The following ZNF211 variants were observed in gnomAD, a reference collection of about 807,000 sequenced individuals.
ZNF211 encodes the protein zinc finger protein C2H2-25.
In ZNF211, 18 loss-of-function variants were observed where a neutral mutation model predicts 12.1. That is an observed-to-expected ratio of 1.48 (90% CI 1.03 to 2.20). ZNF211 has a LOEUF of 2.20. Ranked by LOEUF, ZNF211 falls within the 30% of genes most tolerant of loss-of-function variation. The pLI, the probability that ZNF211 is intolerant of heterozygous loss-of-function variation, is 0.00. For synonymous variants in ZNF211, 249 were observed against 246.0 expected (o/e 1.01, Z -0.11); for missense variants, 677 against 703.1 (o/e 0.96, Z 0.42).
chr19:57,635,091 T>G (rs1267829675), intron 3 of ZNF211, among the ~76,000 whole-genome samples: 1 of 152,198 alleles, frequency 6.6e-6, no homozygotes, highest in Non-Finnish European at 1.5e-5. Context: ...TGACATGAAA[T>G]GTAGTCACTG....
intron 3 of ZNF211, 35 bp from the exon 4 acceptor site, chr19:57,640,669 T>G: frequency 1.9e-6 from 3 of 1,599,922 alleles, no homozygotes; most frequent in Non-Finnish European, 2.6e-6. Context: ...CTAATAAAGG[T>G]AACATGTACT....
rs1339481787 is a variant in ZNF211, at chr19:57,640,580, A to G, written c.257-124A>G. 7 of 1,262,674 alleles carry G rather than the reference A, an allele frequency of 5.5e-6. No homozygotes were observed. In the East Asian group the frequency reaches 1.8e-4, roughly 32 times the overall value. 78.2% of individuals were successfully genotyped at this position (1,262,674 alleles called of 1,614,324 possible). A position where few individuals can be genotyped will look rare whatever the true frequency, so the allele number is the denominator to read the frequency against. ...GCTGCTTCCTCAACCTGACCCCCCA[A>G]CTCACTTTTCCTAAAAACAGGCCCA... On this transcript the variant is annotated intron_variant, in intron 3 of 3. Transcript: ENST00000240731.
rs76466117 is a variant in ZNF211, at chr19:57,637,226, T to G, written c.256+2471T>G. Among the ~76,000 whole-genome samples, 355 of 152,262 alleles carry G rather than the reference T, an allele frequency of 2.3e-3. 2 individuals carry two copies. Among genetic ancestry groups the G allele is most frequent in the African/African-American group, 7.7e-3 (321 of 41,558 alleles). ...AACAGAAGTGCTAAAAGTAGCATCC[T>G]TATCTTGTCCTTAATCTTAGAGGAA... is the stretch of plus-strand genomic sequence containing the variant. On this transcript the variant is annotated intron_variant, in intron 3 of 3. Transcript: ENST00000240731.
Position 57,640,857 on chromosome 19 carries a change from A to G in ZNF211, c.410A>G (p.His137Arg), listed in dbSNP as rs1314143386. ...ICCLVLRDIL[H>R]LAEHQGTNCG... The stretch of plus-strand genomic sequence containing the variant: ...TGCCTGGTCTTGAGAGATATTTTGC[A>G]CTTGGCTGAACACCAAGGAACAAAC... The change falls in exon 4 of 4, where the codon CAC becomes CGC. Residue 137 changes from histidine (H) to arginine (R), a missense_variant. Transcript: ENST00000240731. 2 of 1,614,230 alleles carry G rather than the reference A, an allele frequency of 1.2e-6. No homozygotes were observed. Among genetic ancestry groups the G allele is most frequent in the Non-Finnish European group, 1.7e-6 (2 of 1,180,044 alleles).
chr19:57,640,098 C>A, intron 3 of ZNF211: 1 of 1,527,780 alleles, frequency 6.5e-7, no homozygotes. Context: ...AGGAACCTGT[C>A]CTGTTTGACT....
chr19:57,634,507 T>C, intron 2 of ZNF211, 122 bp from the exon 3 acceptor site: 4 of 1,199,182 alleles, frequency 3.3e-6, no homozygotes, highest in Non-Finnish European at 4.5e-6. Flanking sequence ...CAGGGATCAA[T>C]GACACCAAGG....
chr19:57,640,139 C>T (rs1337579275), intron 3 of ZNF211: 2 of 1,448,416 alleles, frequency 1.4e-6, no homozygotes, highest in Non-Finnish European at 1.8e-6. Context: ...AGACACTTCA[C>T]TTCGACCTTC....
At chr19:57,634,547 G>C (rs999585861) in intron 2 of ZNF211, 82 bp from the exon 3 acceptor site, 6 of 1,429,658 alleles carry the variant, frequency 4.2e-6, no homozygotes, top group Non-Finnish European at 4.6e-6. Flanking sequence ...TGGGGATCTT[G>C]GGAGGAGAAT....
Position 57,634,628 on chromosome 19 carries a change from G to A in ZNF211, c.130-1G>A, listed in dbSNP as rs753818413. On this transcript the variant is annotated splice_acceptor_variant, in intron 2 of 3. Transcript: ENST00000240731. LOFTEE classifies it high-confidence loss of function. ...GGTTTCATCAATCCCTATTATGCTAGGGAAGTGTGACCTTTGAAGATGTGG... is the reference window on the plus strand; with the variant it reads ...GGTTTCATCAATCCCTATTATGCTAAGGAAGTGTGACCTTTGAAGATGTGG... 1.3e-6 allele frequency: 2 copies of A among 1,580,510 alleles called. No homozygotes were observed. Among genetic ancestry groups the A allele is most frequent in the South Asian group, 2.3e-5 (2 of 86,914 alleles).
In ZNF211 at chr19:57,640,848, A is replaced by G; in HGVS notation, c.401A>G (p.Asp134Gly). Residue 134 changes from aspartate (D) to glycine (G), a missense_variant, in exon 4 of 4, where the codon GAT becomes GGT. Asp to Gly is a moderately conservative substitution (Grantham distance 94). Coordinates refer to ENST00000240731, the MANE Select transcript of ZNF211 (RefSeq NM_006385.5). ...GAAATATGTTGCCTGGTCTTGAGAG[A>G]TATTTTGCACTTGGCTGAACACCAA... ...SCEICCLVLR[D>G]ILHLAEHQGT... 1 of 1,614,226 alleles carries G rather than the reference A, an allele frequency of 6.2e-7. No individual in the cohort carries two copies. The highest frequency in any genetic ancestry group is 8.5e-7 in the Non-Finnish European group (1 of 1,180,042).
chr19:57,635,878 A>C (rs1399800773), intron 3 of ZNF211, among the ~76,000 whole-genome samples: 1 of 152,152 alleles, frequency 6.6e-6, no homozygotes, highest in Non-Finnish European at 1.5e-5. Flanking sequence ...CAGTTTCTTC[A>C]CACCCTCACC....
chr19:57,642,491 C>G lies in ZNF211; in HGVS notation c.*310C>G, dbSNP rs191964786. 4.5e-5 allele frequency: 12 copies of G among 263,866 alleles called. No homozygotes were observed. In the East Asian group the frequency reaches 7.9e-4, roughly 17 times the overall value. The allele number at this position is 263,866 out of a possible 1,614,324, so 16.3% of individuals were successfully genotyped here. A position where few individuals can be genotyped will look rare whatever the true frequency, so the allele number is the denominator to read the frequency against. Reference sequence around the variant, plus strand: ...TACCTCCTGAACCTGCTCAAGGAAGCAGACCTCTGCTTCTCCCCATTTGCT... The same window carrying G: ...TACCTCCTGAACCTGCTCAAGGAAGGAGACCTCTGCTTCTCCCCATTTGCT... On this transcript the variant is annotated 3_prime_UTR_variant, in exon 4 of 4. Transcript: ENST00000240731.
At position 57,633,249 on chromosome 19, in the gene ZNF211, A is replaced by T. The variant is rs773420264; in HGVS notation, c.-98A>T. 4 of 1,203,626 alleles carry T rather than the reference A, an allele frequency of 3.3e-6. No individual in the cohort carries two copies. The highest frequency in any genetic ancestry group is 4.5e-6 in the Non-Finnish European group (4 of 894,684). 74.6% of individuals were successfully genotyped at this position (1,203,626 alleles called of 1,614,324 possible). A position where few individuals can be genotyped will look rare whatever the true frequency, so the allele number is the denominator to read the frequency against. On this transcript the variant is annotated 5_prime_UTR_variant, in exon 1 of 4. Transcript: ENST00000240731. The stretch of plus-strand genomic sequence containing the variant: ...CGTTCTGTCTGTCAGCCGCTTTGGT[A>T]CGCTGCATCGGGATCGAAGTGACGG...
chr19:57,635,946 T>C (rs2122176715), intron 3 of ZNF211, among the ~76,000 whole-genome samples: 1 of 152,358 alleles, frequency 6.6e-6, no homozygotes, highest in South Asian at 2.1e-4. Context: ...TGAGGTGATA[T>C]CTCACTGTGG....
chr19:57,635,535 T>C (rs951205613), intron 3 of ZNF211, among the ~76,000 whole-genome samples: 1 of 152,244 alleles, frequency 6.6e-6, no homozygotes, highest in African/African-American at 2.4e-5. Context: ...TAGCATAATA[T>C]CTTCAAGATT....
At chr19:57,634,833 C>T in intron 3 of ZNF211, 78 bp downstream of exon 3, 1 of 1,402,874 alleles carries the variant, frequency 7.1e-7, no homozygotes, top group Non-Finnish European at 9.3e-7. Flanking sequence ...GCTCTGTCCT[C>T]ATATCTGGAC....
rs903877230 is a variant in ZNF211 at position 57,643,984 on chromosome 19, A to G, written c.*1803A>G. On this transcript the variant is annotated 3_prime_UTR_variant, in exon 4 of 4. Coordinates refer to ENST00000240731, the MANE Select transcript of ZNF211 (RefSeq NM_006385.5). ...TATACTATTTGTTATCCATTTGTTT[A>G]TAAGCATTTAGGTTTTATCTAGTTT... 6.6e-6 allele frequency among the ~76,000 whole-genome samples: 1 copy of G among 152,128 alleles called. No homozygotes were observed. The highest frequency in any genetic ancestry group is 1.9e-4 in the East Asian group (1 of 5,202).
rs764175346 is a variant in ZNF211 at position 57,634,609 on chromosome 19, A to G, written c.130-20A>G. 9 of 1,541,100 alleles carry G rather than the reference A, an allele frequency of 5.8e-6. No individual in the cohort carries two copies. Among genetic ancestry groups the G allele is most frequent in the Non-Finnish European group, 7.9e-6 (9 of 1,144,016 alleles). On this transcript the variant is annotated intron_variant, in intron 2 of 3. Coordinates refer to ENST00000240731, the MANE Select transcript of ZNF211 (RefSeq NM_006385.5). ...CCAAATTGAGACTGTTCATGGTTTC[A>G]TCAATCCCTATTATGCTAGGGAAGT...
chr19:57,636,826 A>C (rs59642236), intron 3 of ZNF211, among the ~76,000 whole-genome samples: 27,469 of 152,010 alleles, frequency 0.18, 2,645 homozygotes, highest in East Asian at 0.32. Context: ...AATATTGAGC[A>C]CTCTAGTCCA....
Sources: allele counts gnomAD v4.1 joint callset (sites outside exome capture counted in the v4.1 genomes callset), GRCh38; gene constraint gnomAD v4.1.1; transcripts MANE v1.5; gene names NCBI Gene and HGNC (gene_info 2026-07-23, HGNC 2026-07-21).